Variants in HMCN2 observed in about 807,000 individuals in gnomAD.
HMCN2 encodes the protein hemicentin-2.
In HMCN2, 325 loss-of-function variants were observed where a neutral mutation model predicts 377.5. The ratio of observed to expected loss-of-function variants is 0.86; its 90% CI spans 0.79 to 0.94. The LOEUF (loss-of-function observed/expected upper bound fraction) is 0.94. Among genes scored for constraint, HMCN2 ranks in the 40% least tolerant of loss-of-function variants. The probability of loss-of-function intolerance (pLI) is 0.00; values close to 1 mark genes in which losing one functional copy is unlikely to be tolerated. For synonymous variants in HMCN2, 2,007 were observed against 2,046.8 expected (o/e 0.98, Z 0.53); for missense variants, 4,543 against 4,725.3 (o/e 0.96, Z 1.13).
chr9:130,279,226 G>A (rs1041463652), intron 1 of HMCN2, among the ~76,000 whole-genome samples: 6 of 152,106 alleles, frequency 3.9e-5, no homozygotes, highest in East Asian at 3.9e-4. Context: ...CACTGCATGC[G>A]TGATGTATCC....
At chr9:130,358,583 G>A in intron 36 of HMCN2, 97 bp downstream of exon 36, 1 of 1,147,394 alleles carries the variant, frequency 8.7e-7, no homozygotes, top group Non-Finnish European at 1.2e-6. Flanking sequence ...AGGGGGAGGA[G>A]GTTTTTCAGT....
intron 77 of HMCN2, among the ~76,000 whole-genome samples, chr9:130,402,265 C>T (rs1450789339): frequency 6.6e-6 from 1 of 152,210 alleles, no homozygotes; most frequent in Non-Finnish European, 1.5e-5. Context: ...CCACGGAGCA[C>T]AATTTAGAAC....
At position 130,434,025 on chromosome 9, in the gene HMCN2, C is replaced by A; in HGVS notation, c.*332C>A. 3.8e-6 allele frequency: 1 copy of A among 266,528 alleles called. No homozygotes were observed. The highest frequency in any genetic ancestry group is 7.0e-6 in the Non-Finnish European group (1 of 142,290). The allele number at this position is 266,528 out of a possible 1,614,324, so 16.5% of individuals were successfully genotyped here. A position where few individuals can be genotyped will look rare whatever the true frequency, so the allele number is the denominator to read the frequency against. On this transcript the variant is annotated 3_prime_UTR_variant, in exon 98 of 98. Transcript: ENST00000683500. The stretch of plus-strand genomic sequence containing the variant: ...GCACCTGGACGCGCGGGAGAGGGGG[C>A]AGACCCCGCGTTAGGGGTGGCAGCA...
At chr9:130,301,200 C>A (rs1554934305) in intron 8 of HMCN2, among the ~76,000 whole-genome samples, 1 of 152,228 alleles carries the variant, frequency 6.6e-6, no homozygotes, top group Non-Finnish European at 1.5e-5. Context: ...TTCTTTCCAG[C>A]CTCCCAGCTT....
intron 41 of HMCN2, among the ~76,000 whole-genome samples, chr9:130,365,364 G>A (rs908796089): frequency 2.0e-5 from 3 of 151,932 alleles, no homozygotes; most frequent in African/African-American, 7.2e-5. Flanking sequence ...CCAGTCACAT[G>A]CCTCCCCCTT....
At chr9:130,353,318 C>A (rs1839837135) in intron 31 of HMCN2, 113 bp downstream of exon 31, 1 of 926,736 alleles carries the variant, frequency 1.1e-6, no homozygotes, top group Non-Finnish European at 1.5e-6. Flanking sequence ...TGGTCAGAGG[C>A]AAAAGGATAA....
intron 48 of HMCN2, among the ~76,000 whole-genome samples, chr9:130,374,238 A>G (rs1265568097): frequency 2.0e-5 from 3 of 152,082 alleles, no homozygotes; most frequent in African/African-American, 7.2e-5. Flanking sequence ...GGGTGGGTGG[A>G]TGAATGAATG....
chr9:130,346,217 C>T (rs972796378), intron 25 of HMCN2, among the ~76,000 whole-genome samples: 2 of 152,060 alleles, frequency 1.3e-5, no homozygotes, highest in East Asian at 3.9e-4. Flanking sequence ...AGAGTGTGTG[C>T]CTGGGGCTCA....
rs1450857399 is a variant in HMCN2 at position 130,316,967 on chromosome 9, T to TG, written c.2351-2522dup. On this transcript the variant is annotated intron_variant, in intron 15 of 97. Transcript: ENST00000683500. ...GAGGGTCCTGGGCTCCTGCCTTATT[T>TG]GGGGGGCTCCAGGTTAGCAGGGGGA... Among the ~76,000 whole-genome samples the TG allele has an allele frequency of 5.3e-5, 8 of 152,056 alleles. No homozygotes were observed. In the East Asian group the frequency reaches 1.4e-3, roughly 26 times the overall value.
At chr9:130,378,940 A>C (rs1163579379) in intron 53 of HMCN2, among the ~76,000 whole-genome samples, 1 of 152,160 alleles carries the variant, frequency 6.6e-6, no homozygotes, top group Non-Finnish European at 1.5e-5. Flanking sequence ...TCTGATAGAC[A>C]AACATCGGCT....
At position 130,403,287 on chromosome 9, in the gene HMCN2, C is replaced by T. The variant is rs1047086420; in HGVS notation, c.11972C>T (p.Pro3991Leu). Residue 3991 changes from proline to leucine, a missense_variant, in exon 79 of 98, where the codon CCG (proline) becomes CTG (leucine). Transcript: ENST00000683500. ...LPCEASGIPR[P>L]TITWQKEGLN... Reference sequence around the variant, plus strand: ...TGCGAGGCCTCAGGCATCCCCCGGCCGACCATCACCTGGCAGAAGGAAGGG... The same window carrying T: ...TGCGAGGCCTCAGGCATCCCCCGGCTGACCATCACCTGGCAGAAGGAAGGG... 8 of 1,289,712 alleles carry T rather than the reference C, an allele frequency of 6.2e-6. No homozygotes were observed. Among genetic ancestry groups the T allele is most frequent in the Admixed American group, 2.3e-5 (1 of 43,536 alleles). The allele number at this position is 1,289,712 out of a possible 1,614,324, so 79.9% of individuals were successfully genotyped here.
chr9:130,313,941 G>C lies in HMCN2; in HGVS notation c.2350+3880G>C, dbSNP rs1039664573. Among the ~76,000 whole-genome samples, 236 of 151,922 alleles carry C rather than the reference G, an allele frequency of 1.6e-3. 1 individual carries two copies. The highest frequency in any genetic ancestry group is 4.8e-3 in the South Asian group (23 of 4,798). On this transcript the variant is annotated intron_variant, in intron 15 of 97. Transcript: ENST00000683500. ...ATTACAGACACGCACCACCATTCCC[G>C]GCTGATTTTTGTATTTTTTGTAGAG...
rs782580730 is a variant in HMCN2 at position 130,304,790 on chromosome 9, T to C, written c.1604T>C (p.Val535Ala). 1 of 471,174 alleles carries C rather than the reference T, an allele frequency of 2.1e-6. No homozygotes were observed. Among genetic ancestry groups the C allele is most frequent in the Non-Finnish European group, 4.4e-6 (1 of 227,062 alleles). The allele number at this position is 471,174 out of a possible 1,614,324, so 29.2% of individuals were successfully genotyped here. The part of the protein sequence containing the change: ...NVTVSPGETA[V>A]LSCRVLGEAP... ...ACCGTGTCCCCAGGGGAGACTGCCG[T>C]CCTATCCTGCCGGGTCCTAGGCGAG... Residue 535 changes from valine to alanine, a missense_variant, in exon 11 of 98, where the codon GTC becomes GCC. By Grantham distance (64) the Val-to-Ala change is moderately conservative (BLOSUM62 0). Around this residue, in one of 5 missense-constraint regions of HMCN2, gnomAD observed 547 missense variants for 189.9 expected, o/e 2.88. Coordinates refer to ENST00000683500, the MANE Select transcript of HMCN2 (RefSeq NM_001291815.2). The surrounding 1 kb of genome is among the most constrained non-coding windows in gnomAD (Gnocchi z 4.3).
At chr9:130,301,790 G>A (rs1000678008) in intron 8 of HMCN2, among the ~76,000 whole-genome samples, 1 of 152,222 alleles carries the variant, frequency 6.6e-6, no homozygotes, top group African/African-American at 2.4e-5. Context: ...ATGGGGAGAC[G>A]GTGACACAAA....
intron 94 of HMCN2, 32 bp from the exon 95 acceptor site, chr9:130,430,252 C>T (rs2131835332): frequency 6.7e-7 from 1 of 1,499,762 alleles, no homozygotes. Flanking sequence ...CCTGGGCCAC[C>T]TGTGCACACA....
chr9:130,357,797 T>A (rs902827937), intron 34 of HMCN2, 37 bp from the exon 35 acceptor site: 19 of 1,283,762 alleles, frequency 1.5e-5, no homozygotes, highest in Non-Finnish European at 1.9e-5. Flanking sequence ...TCCTCCTGAT[T>A]CTGACTCGGG....
intron 85 of HMCN2, among the ~76,000 whole-genome samples, chr9:130,415,165 C>T (rs1436186394): frequency 1.3e-5 from 2 of 152,160 alleles, no homozygotes; most frequent in Non-Finnish European, 2.9e-5. Flanking sequence ...GCACCTCCTT[C>T]CCCTGGCAGT....
chr9:130,406,135 A>G lies in HMCN2; in HGVS notation c.12520A>G (p.Ile4174Val). 7.0e-6 allele frequency: 9 copies of G among 1,289,772 alleles called. No individual in the cohort carries two copies. The highest frequency in any genetic ancestry group is 9.1e-6 in the Non-Finnish European group (9 of 988,850). 79.9% of individuals were successfully genotyped at this position (1,289,772 alleles called of 1,614,324 possible). Residue 4174 changes from isoleucine (I) to valine (V), a missense_variant, in exon 82 of 98, where the codon ATT (isoleucine) becomes GTT (valine). Transcript: ENST00000683500. ...AGCCCGGGGCAGCCCCACCCCTCGC[A>G]TTGGCTGGACTGTCAACGACCGGCC... ...CAARGSPTPR[I>V]GWTVNDRPVT...
intron 90 of HMCN2, 69 bp from the exon 91 acceptor site, chr9:130,427,244 G>A: frequency 6.7e-7 from 1 of 1,493,120 alleles, no homozygotes; most frequent in Middle Eastern, 1.8e-4. Context: ...GTGAGCCTGG[G>A]CTATGGCCAG....
Sources: allele counts gnomAD v4.1 joint callset (sites outside exome capture counted in the v4.1 genomes callset), GRCh38; gene constraint gnomAD v4.1.1; regional missense constraint gnomAD v4.1.1; non-coding constraint Gnocchi (gnomAD v3.1); transcripts MANE v1.5; gene names NCBI Gene and HGNC (gene_info 2026-07-23, HGNC 2026-07-21).